Variants in KRT23 observed in about 807,000 individuals in gnomAD.
The protein encoded by KRT23 is keratin 23.
A neutral mutation model predicts 47.6 loss-of-function variants in KRT23; 38 were observed. That is an observed-to-expected ratio of 0.80 (90% CI 0.62 to 1.05). The LOEUF (loss-of-function observed/expected upper bound fraction) is 1.05. KRT23 is among the 50% of genes least tolerant of loss of function. The pLI, the probability that KRT23 is intolerant of heterozygous loss-of-function variation, is 0.00. For synonymous variants in KRT23, 191 were observed against 199.0 expected, an observed-to-expected ratio of 0.96 and a Z score of 0.34; for missense variants, 503 against 529.5, an observed-to-expected ratio of 0.95 and a Z score of 0.49.
intron 6 of KRT23, among the ~76,000 whole-genome samples, chr17:40,927,410 C>T (rs561276933): frequency 3.3e-5 from 5 of 152,278 alleles, no homozygotes; most frequent in South Asian, 4.1e-4. Flanking sequence ...ATGATCTCTA[C>T]GTGCACATTT....
chr17:40,927,712 A>G (rs1338689899), intron 6 of KRT23, among the ~76,000 whole-genome samples: 1 of 152,222 alleles, frequency 6.6e-6, no homozygotes, highest in East Asian at 1.9e-4. Flanking sequence ...AGACATATAC[A>G]TAAATGAATA....
chr17:40,926,765 G>A lies in KRT23; in HGVS notation c.922-1191C>T, dbSNP rs186910149. Among the ~76,000 whole-genome samples the A allele has an allele frequency of 4.3e-4, 66 of 152,228 alleles. No individual in the cohort carries two copies. In the South Asian group the frequency reaches 5.4e-3, roughly 12 times the overall value. ...TCTGCTCTCCTTCAGCTACAGCAAA[G>A]CTCCTCAAAGAGTTGTCTATGCCTG... On this transcript the variant is annotated intron_variant, in intron 6 of 8. Coordinates refer to ENST00000209718, the MANE Select transcript of KRT23 (RefSeq NM_015515.5).
Position 40,931,466 on chromosome 17 carries a change from TGCACAAAA to T in KRT23, c.397-19_397-12del. The T allele has an allele frequency of 6.2e-7, 1 of 1,605,648 alleles. No individual in the cohort carries two copies. Among genetic ancestry groups the T allele is most frequent in the Non-Finnish European group, 8.5e-7 (1 of 1,172,266 alleles). Reference sequence around the variant, plus strand: ...CTTACCATCCACTATCTGTAAAACATGCACAAAAGCACAAAAGGTTATCTCACTTGGAC... The same window carrying T: ...CTTACCATCCACTATCTGTAAAACATGCACAAAAGGTTATCTCACTTGGAC... On this transcript the variant is annotated splice_polypyrimidine_tract_variant and intron_variant, in intron 2 of 8. Transcript: ENST00000209718.
rs1051595783 is a variant in KRT23 at position 40,936,196 on chromosome 17, C to T, written c.396+12G>A. ...GCCCCATCTGGATCTCCAGGGTCAC[C>T]CAGCATCTTACCTGCTCCTGCAGGT... On this transcript the variant is annotated intron_variant, in intron 2 of 8. Coordinates refer to ENST00000209718, the MANE Select transcript of KRT23 (RefSeq NM_015515.5). 1 of 1,613,932 alleles carries T rather than the reference C, an allele frequency of 6.2e-7. No homozygotes were observed. Among genetic ancestry groups the T allele is most frequent in the Non-Finnish European group, 8.5e-7 (1 of 1,179,978 alleles).
At chr17:40,932,012 A>G (rs181703976) in intron 2 of KRT23, among the ~76,000 whole-genome samples, 3 of 152,360 alleles carry the variant, frequency 2.0e-5, no homozygotes, top group African/African-American at 4.8e-5. Flanking sequence ...TCATGTTTCT[A>G]ATCAGTGTTA....
At chr17:40,928,120 A>G (rs1001923664) in intron 6 of KRT23, 118 bp downstream of exon 6, 151 of 1,270,682 alleles carry the variant, frequency 1.2e-4, no homozygotes, top group Non-Finnish European at 1.6e-4. Flanking sequence ...ATTTGGATGG[A>G]AAGTGGAAAG....
At chr17:40,923,664 C>T (rs1909061388) in intron 8 of KRT23, among the ~76,000 whole-genome samples, 1 of 152,184 alleles carries the variant, frequency 6.6e-6, no homozygotes, top group Non-Finnish European at 1.5e-5. Context: ...TGGGACCATC[C>T]CATCAAGTAT....
intron 6 of KRT23, 136 bp from the exon 7 acceptor site, chr17:40,925,710 G>C: frequency 1.5e-6 from 1 of 676,920 alleles, no homozygotes; most frequent in South Asian, 1.8e-5. Flanking sequence ...AAGATGAGAA[G>C]TAGGCTGACT....
intron 7 of KRT23, 23 bp from the exon 8 acceptor site, chr17:40,924,526 A>AGGCCGGGCGCGGTG: frequency 6.2e-7 from 1 of 1,603,140 alleles, no homozygotes; most frequent in Non-Finnish European, 8.5e-7. Context: ...TAAAGGTTAA[A>AGGCCGGGCGCGGTG]GCTCACTTTA....
chr17:40,935,332 A>G lies in KRT23; in HGVS notation c.396+876T>C, dbSNP rs190962009. ...TACCCTTTCTAGGGGAGGTTAAATCATGGTCTTACAGGGAATTTTCTGGGA... is the reference window on the plus strand; with the variant it reads ...TACCCTTTCTAGGGGAGGTTAAATCGTGGTCTTACAGGGAATTTTCTGGGA... On this transcript the variant is annotated intron_variant, in intron 2 of 8. Coordinates refer to ENST00000209718, the MANE Select transcript of KRT23 (RefSeq NM_015515.5). Among the ~76,000 whole-genome samples, 5 of 152,230 alleles carry G rather than the reference A, an allele frequency of 3.3e-5. No individual in the cohort carries two copies. The East Asian group carries it at 5.8e-4, about 18-fold the overall frequency.
At chr17:40,928,729 T>A in intron 4 of KRT23, 122 bp from the exon 5 acceptor site, 1 of 867,486 alleles carries the variant, frequency 1.2e-6, no homozygotes, top group Non-Finnish European at 1.8e-6. Context: ...GCTCCCACTG[T>A]CACTGGTTTG....
intron 2 of KRT23, among the ~76,000 whole-genome samples, chr17:40,933,651 A>G (rs542781105): frequency 6.6e-6 from 1 of 152,338 alleles, no homozygotes; most frequent in East Asian, 1.9e-4. Context: ...TCATTCTCAT[A>G]GCACACAAAT....
chr17:40,929,347 C>A (rs944386727), intron 4 of KRT23, among the ~76,000 whole-genome samples: 2 of 152,222 alleles, frequency 1.3e-5, no homozygotes, highest in Non-Finnish European at 2.9e-5. Flanking sequence ...AACCAAGCAG[C>A]CACAGGAAAG....
At chr17:40,932,226 A>T (rs545693573) in intron 2 of KRT23, among the ~76,000 whole-genome samples, 3 of 152,290 alleles carry the variant, frequency 2.0e-5, no homozygotes, top group Non-Finnish European at 2.9e-5. Context: ...AAGAAGCTTC[A>T]GTAGTGGTAA....
intron 2 of KRT23, among the ~76,000 whole-genome samples, chr17:40,933,178 T>G (rs1909814165): frequency 6.6e-6 from 1 of 152,222 alleles, no homozygotes; most frequent in Non-Finnish European, 1.5e-5. Context: ...TTCTATATGC[T>G]GAGATGCCTG....
chr17:40,923,412 A>T (rs1909046761), intron 8 of KRT23, among the ~76,000 whole-genome samples: 1 of 152,222 alleles, frequency 6.6e-6, no homozygotes, highest in Non-Finnish European at 1.5e-5. Context: ...CACTGCACAG[A>T]TTCCTTGAGC....
At chr17:40,927,212 C>A (rs1269408661) in intron 6 of KRT23, among the ~76,000 whole-genome samples, 1 of 152,190 alleles carries the variant, frequency 6.6e-6, no homozygotes, top group Admixed American at 6.5e-5. Flanking sequence ...ATGATTTGCA[C>A]ATTTATTATC....
intron 4 of KRT23, among the ~76,000 whole-genome samples, chr17:40,929,047 A>AG (rs1197958822): frequency 0.13 from 19,602 of 146,138 alleles, 1,790 homozygotes; most frequent in East Asian, 0.29. Flanking sequence ...AAAAAAAAAA[A>AG]AAAGAATATC....
intron 2 of KRT23, 82 bp downstream of exon 2, chr17:40,936,126 G>T (rs2014884417): frequency 1.4e-6 from 2 of 1,465,378 alleles, no homozygotes; most frequent in African/African-American, 2.8e-5. Context: ...CCTGGAAATT[G>T]TCTTCTGGAC....
Sources: allele counts gnomAD v4.1 joint callset (sites outside exome capture counted in the v4.1 genomes callset), GRCh38; gene constraint gnomAD v4.1.1; transcripts MANE v1.5; gene names NCBI Gene and HGNC (gene_info 2026-07-23, HGNC 2026-07-21).